SPATA13: variants seen among roughly 807,000 people sequenced by gnomAD.
The protein encoded by SPATA13 is spermatogenesis-associated protein 13.
SPATA13 carries 50 observed loss-of-function variants against 104.0 expected under a neutral mutation model. The observed-to-expected ratio is 0.48, with a 90% CI of 0.38 to 0.61. The LOEUF (loss-of-function observed/expected upper bound fraction) is 0.61. Ranked by LOEUF, SPATA13 falls within the 20% of genes least tolerant of loss-of-function variation. SPATA13 has a pLI of 0.00. For synonymous variants in SPATA13, 606 were observed against 667.5 expected (o/e 0.91, Z 1.42); for missense variants, 1,524 against 1,690.6 (o/e 0.90, Z 1.73).
chr13:24,277,668 A>T (rs1032182045), intron 4 of SPATA13, among the ~76,000 whole-genome samples: 1 of 152,158 alleles, frequency 6.6e-6, no homozygotes, highest in Admixed American at 6.5e-5. Flanking sequence ...CAGTTTCCAC[A>T]TCAGCAATTT....
At chr13:24,007,579 C>T (rs1165455374) in intron 2 of SPATA13, among the ~76,000 whole-genome samples, 1 of 152,152 alleles carries the variant, frequency 6.6e-6, no homozygotes, top group Admixed American at 6.5e-5. Context: ...GCCTCAGCCT[C>T]CTGAATAGCT....
chr13:24,249,145 C>T (rs1873329710), intron 2 of SPATA13, among the ~76,000 whole-genome samples: 1 of 152,234 alleles, frequency 6.6e-6, no homozygotes, highest in African/African-American at 2.4e-5. Flanking sequence ...GCTAGGATTA[C>T]AGGCATGAGC....
At chr13:24,099,195 T>C (rs923340799) in intron 3 of SPATA13, among the ~76,000 whole-genome samples, 3 of 152,204 alleles carry the variant, frequency 2.0e-5, no homozygotes, top group Non-Finnish European at 4.4e-5. Context: ...GAGAAAAGCA[T>C]GCATTTATCC....
At position 24,223,198 on chromosome 13, in the gene SPATA13, C is replaced by A. The variant is rs1871704512; in HGVS notation, c.269C>A (p.Pro90His). ...AGGACGGGTGCCCACCCCGAGCGGC[C>A]CCACTCCATGGTCCTGGTGGGGAAC... ...RKRTGAHPER[P>H]HSMVLVGNSS... Residue 90 changes from proline (P) to histidine (H), a missense_variant, in exon 2 of 13, where the codon CCC becomes CAC. This residue lies in a region of SPATA13 where 1,089 missense variants were observed against 1,135.9 expected (regional missense o/e 0.96). Transcript: ENST00000382108. The A allele has an allele frequency of 1.3e-6, 2 of 1,551,570 alleles. No homozygotes were observed.
intron 3 of SPATA13, among the ~76,000 whole-genome samples, chr13:24,050,669 C>G (rs1878307520): frequency 6.6e-6 from 1 of 152,164 alleles, no homozygotes; most frequent in Admixed American, 6.5e-5. Context: ...GCCAGAAGTT[C>G]CAATGCAGGG....
chr13:24,115,787 G>A (rs1235050386), intron 3 of SPATA13, among the ~76,000 whole-genome samples: 1 of 152,218 alleles, frequency 6.6e-6, no homozygotes, highest in Non-Finnish European at 1.5e-5. Context: ...TCATCTGCAA[G>A]CTTGACCAGG....
intron 3 of SPATA13, among the ~76,000 whole-genome samples, chr13:24,058,625 A>C (rs1043662392): frequency 6.6e-6 from 1 of 151,874 alleles, no homozygotes; most frequent in Non-Finnish European, 1.5e-5. Context: ...TGGCTTCAAA[A>C]CGGTCTACAT....
intron 1 of SPATA13, among the ~76,000 whole-genome samples, chr13:24,221,434 A>C (rs9580898): frequency 0.019 from 2,851 of 152,282 alleles, 91 homozygotes; most frequent in African/African-American, 0.062. Flanking sequence ...CATGTAGGCT[A>C]TCACTTGAAG....
At chr13:24,239,082 T>C (rs769551050) in intron 2 of SPATA13, among the ~76,000 whole-genome samples, 6 of 152,206 alleles carry the variant, frequency 3.9e-5, no homozygotes, top group Non-Finnish European at 8.8e-5. Flanking sequence ...GTGTAATTAA[T>C]AAAAGTATAG....
At chr13:24,137,875 G>A (rs899902673) in intron 3 of SPATA13, among the ~76,000 whole-genome samples, 4 of 152,212 alleles carry the variant, frequency 2.6e-5, no homozygotes, top group Non-Finnish European at 5.9e-5. Flanking sequence ...GAGTCAGAGA[G>A]ATGGGTAACT....
chr13:24,028,960 TC>T (rs145073597), intron 3 of SPATA13, among the ~76,000 whole-genome samples: 19,502 of 152,170 alleles, frequency 0.13, 1,735 homozygotes, highest in East Asian at 0.51. Flanking sequence ...TAATTTTACT[TC>T]CTAAAGTCCT....
chr13:24,253,211 G>C (rs1873597392), intron 4 of SPATA13: 2 of 152,176 alleles, frequency 1.3e-5, no homozygotes, highest in South Asian at 4.1e-4. Flanking sequence ...TATATGTGAA[G>C]ACAGGCCAAG....
intron 3 of SPATA13, among the ~76,000 whole-genome samples, chr13:24,141,309 A>C (rs1280940332): frequency 6.6e-6 from 1 of 152,208 alleles, no homozygotes; most frequent in Non-Finnish European, 1.5e-5. Flanking sequence ...AGTGAGACCC[A>C]GATAATTAAT....
intron 2 of SPATA13, 21 bp downstream of exon 2, chr13:24,224,603 C>T (rs781752069): frequency 2.7e-5 from 42 of 1,536,718 alleles, no homozygotes; most frequent in Non-Finnish European, 3.2e-5. Flanking sequence ...CGGCGAGGTC[C>T]CTCATGTGGG....
intron 4 of SPATA13, among the ~76,000 whole-genome samples, chr13:24,281,854 T>A (rs892252461): frequency 6.6e-6 from 1 of 152,136 alleles, no homozygotes; most frequent in Non-Finnish European, 1.5e-5. Flanking sequence ...GTGCACACCT[T>A]CCTGCTTTCC....
At chr13:24,208,573 T>TGATGGG (rs1870838899) in intron 1 of SPATA13, among the ~76,000 whole-genome samples, 1 of 70,528 alleles carries the variant, frequency 1.4e-5, no homozygotes, top group Non-Finnish European at 3.0e-5. Context: ...TCAAGAAGAC[T>TGATGGG]GGTGGGGACT....
At chr13:24,203,652 C>T (rs898140630) in intron 1 of SPATA13, among the ~76,000 whole-genome samples, 1 of 152,062 alleles carries the variant, frequency 6.6e-6, no homozygotes, top group East Asian at 1.9e-4. Flanking sequence ...ATTTCTGGGG[C>T]TTAAATTTCA....
intron 3 of SPATA13, among the ~76,000 whole-genome samples, chr13:24,021,904 G>T (rs1876990216): frequency 6.6e-6 from 1 of 151,672 alleles, no homozygotes; most frequent in South Asian, 2.1e-4. Context: ...GTAGAGATGG[G>T]GTTTCACCGT....
intron 1 of SPATA13, among the ~76,000 whole-genome samples, chr13:23,982,567 AT>A (rs986257753): frequency 1.3e-5 from 2 of 151,560 alleles, no homozygotes; most frequent in African/African-American, 2.4e-5. Context: ...TTATTTGCTG[AT>A]TTTTTTTTCA....
Sources: gnomAD v4.1 joint callset for allele counts (sites outside exome capture counted in the v4.1 genomes callset) on GRCh38, gnomAD v4.1.1 for gene constraint, gnomAD v4.1.1 regional missense constraint, MANE v1.5 for transcripts, NCBI Gene and HGNC (gene_info 2026-07-23, HGNC 2026-07-21) for gene names.